CDH6: variants seen among roughly 807,000 people sequenced by gnomAD.
CDH6 encodes cadherin 6.
Under a neutral mutation model 78.0 loss-of-function variants are expected in CDH6, and 31 were observed. The ratio of observed to expected loss-of-function variants is 0.40; its 90% confidence interval spans 0.30 to 0.54. CDH6 has a LOEUF of 0.54. Among genes scored for constraint, CDH6 ranks in the 20% least tolerant of loss-of-function variants. The pLI is 0.56. For missense variants in CDH6, 724 were observed against 975.9 expected, an observed-to-expected ratio of 0.74 and a Z score of 3.44; for synonymous variants, 376 against 368.8, an observed-to-expected ratio of 1.02 and a Z score of -0.23.
Position 31,326,460 on chromosome 5 carries a change from TC to T in CDH6, c.*3154del, listed in dbSNP as rs1318157062. On this transcript the variant is annotated 3_prime_UTR_variant, in exon 12 of 12. Transcript: ENST00000265071. ...CAAATGGGAAAGAAGCAAAGATTAT[TC>T]CATAGAACCACAAGAGAGGGAATGT... is the stretch of plus-strand genomic sequence containing the variant. 5.0e-6 allele frequency: 1 copy of T among 201,212 alleles called. No individual in the cohort carries two copies. Among genetic ancestry groups the T allele is most frequent in the East Asian group, 7.7e-5 (1 of 13,048 alleles). The allele number at this position is 201,212 out of a possible 1,614,324, so 12.5% of individuals were successfully genotyped here.
intron 8 of CDH6, 125 bp downstream of exon 8, chr5:31,313,579 C>T: frequency 1.1e-6 from 1 of 895,472 alleles, no homozygotes; most frequent in Non-Finnish European, 1.7e-6. Context: ...AGGGAAAAAG[C>T]CCTGGAGTGG....
chr5:31,243,895 C>A (rs1206117483), intron 1 of CDH6, among the ~76,000 whole-genome samples: 1 of 152,170 alleles, frequency 6.6e-6, no homozygotes, highest in Non-Finnish European at 1.5e-5. Context: ...ATAGGTTGGG[C>A]ACCAAGCCTA....
chr5:31,302,886 GGAAAGAAAGAAAGAAAAAAAGAAA>G, intron 6 of CDH6, among the ~76,000 whole-genome samples: 1 of 64,362 alleles, frequency 1.6e-5, no homozygotes, highest in South Asian at 4.9e-4. Flanking sequence ...AAGGAAGGAA[GGAAAGAAAGAAAGAAAAAAAGAAA>G]GAAAGAAAGA....
chr5:31,293,243 A>T (rs1737459152), intron 2 of CDH6, among the ~76,000 whole-genome samples: 1 of 152,112 alleles, frequency 6.6e-6, no homozygotes, highest in Admixed American at 6.6e-5. Flanking sequence ...CCTATCTTAT[A>T]CTTAAGTATA....
Position 31,325,321 on chromosome 5 carries a change from T to TACAC in CDH6, c.*2044_*2047dup, listed in dbSNP as rs3840334. 61 of 223,910 alleles carry TACAC rather than the reference T, an allele frequency of 2.7e-4. No individual in the cohort carries two copies. The highest frequency in any genetic ancestry group is 1.0e-3 in the African/African-American group (44 of 44,002). 13.9% of individuals were successfully genotyped at this position (223,910 alleles called of 1,614,324 possible). A position where few individuals can be genotyped will look rare whatever the true frequency, so the allele number is the denominator to read the frequency against. On this transcript the variant is annotated 3_prime_UTR_variant, in exon 12 of 12. Transcript: ENST00000265071. ...TTTTCTAGTTCTTCATACACACACA[T>TACAC]ACACACACACACACACACACACACA...
At chr5:31,217,624 A>G (rs1740903274) in intron 1 of CDH6, among the ~76,000 whole-genome samples, 1 of 152,180 alleles carries the variant, frequency 6.6e-6, no homozygotes, top group Non-Finnish European at 1.5e-5. Flanking sequence ...TGCTGTAATC[A>G]ACAAGACATC....
chr5:31,246,251 G>T lies in CDH6; in HGVS notation c.-128-21095G>T, dbSNP rs570041035. On this transcript the variant is annotated intron_variant, in intron 1 of 11. Coordinates refer to ENST00000265071, the MANE Select transcript of CDH6 (RefSeq NM_004932.4). Reference sequence around the variant, plus strand: ...GGACTCCAACATAGCGATGTGACAAGAGCAACATAGAGTGGCACATGCTTT... The same window carrying T: ...GGACTCCAACATAGCGATGTGACAATAGCAACATAGAGTGGCACATGCTTT... 2.6e-5 allele frequency among the ~76,000 whole-genome samples: 4 copies of T among 152,140 alleles called. No individual in the cohort carries two copies. The East Asian group carries it at 7.7e-4, about 29-fold the overall frequency.
rs953513963 is a variant in CDH6 at position 31,324,476 on chromosome 5, A to C, written c.*1168A>C. The C allele has an allele frequency of 9.4e-6, 2 of 213,796 alleles. No individual in the cohort carries two copies. Among genetic ancestry groups the C allele is most frequent in the Non-Finnish European group, 1.9e-5 (2 of 105,856 alleles). The allele number at this position is 213,796 out of a possible 1,614,324, so 13.2% of individuals were successfully genotyped here. ...TTGGATAAACAACATTGAGATTATG[A>C]TGAAAACCTACATATTCCATGTTTG... On this transcript the variant is annotated 3_prime_UTR_variant, in exon 12 of 12. Coordinates refer to ENST00000265071, the MANE Select transcript of CDH6 (RefSeq NM_004932.4).
At chr5:31,295,502 G>A (rs1737558588) in intron 3 of CDH6, among the ~76,000 whole-genome samples, 1 of 152,130 alleles carries the variant, frequency 6.6e-6, no homozygotes, top group African/African-American at 2.4e-5. Context: ...CAAACATTTA[G>A]GGGTAGTTGA....
Position 31,294,942 on chromosome 5 carries a change from G to A in CDH6, c.523+686G>A, listed in dbSNP as rs1737543188. 6.6e-6 allele frequency among the ~76,000 whole-genome samples: 1 copy of A among 152,130 alleles called. No homozygotes were observed. Among genetic ancestry groups the A allele is most frequent in the Non-Finnish European group, 1.5e-5 (1 of 68,008 alleles). ...AAGAATTCTACTGACATCACTCTTA[G>A]CCACATTGAAATACTTCATGGGAGA... On this transcript the variant is annotated intron_variant, in intron 3 of 11. Transcript: ENST00000265071. This position sits in a 1 kb window ranked among gnomAD's most constrained non-coding sequence, Gnocchi z 4.1.
Position 31,324,015 on chromosome 5 carries a change from T to C in CDH6, c.*707T>C. On this transcript the variant is annotated 3_prime_UTR_variant, in exon 12 of 12. Coordinates refer to ENST00000265071, the MANE Select transcript of CDH6 (RefSeq NM_004932.4). The stretch of plus-strand genomic sequence containing the variant: ...TATCCTAGACTAGACATGCGAAAGT[T>C]TGCCTTTGTACCATATAAAGGGGGA... 1 of 130,618 alleles carries C rather than the reference T, an allele frequency of 7.7e-6. No individual in the cohort carries two copies. Among genetic ancestry groups the C allele is most frequent in the Non-Finnish European group, 1.6e-5 (1 of 61,150 alleles). 8.1% of individuals were successfully genotyped at this position (130,618 alleles called of 1,614,324 possible).
intron 2 of CDH6, among the ~76,000 whole-genome samples, chr5:31,276,054 C>A (rs1579874303): frequency 1.3e-5 from 2 of 152,338 alleles, no homozygotes; most frequent in South Asian, 4.1e-4. Context: ...GTGTAGGCTG[C>A]TGGGCGCAAA....
In CDH6 at chr5:31,324,465, T is replaced by C. The variant is rs184325068; in HGVS notation, c.*1157T>C. The C allele has an allele frequency of 5.2e-3, 1,117 of 213,818 alleles. 7 individuals carry two copies. Among genetic ancestry groups the C allele is most frequent in the Non-Finnish European group, 7.7e-3 (815 of 105,922 alleles). The allele number at this position is 213,818 out of a possible 1,614,324, so 13.2% of individuals were successfully genotyped here. ...ACGTGATACATTTGGATAAACAACA[T>C]TGAGATTATGATGAAAACCTACATA... On this transcript the variant is annotated 3_prime_UTR_variant, in exon 12 of 12. Transcript: ENST00000265071.
intron 1 of CDH6, among the ~76,000 whole-genome samples, chr5:31,238,979 A>G (rs75800875): frequency 1.4e-3 from 206 of 152,336 alleles, no homozygotes; most frequent in African/African-American, 4.8e-3. Context: ...CCCAAATACA[A>G]TTTTGACCAA....
Position 31,236,621 on chromosome 5 carries a change from TA to T in CDH6, c.-128-30724del, listed in dbSNP as rs371055922. Among the ~76,000 whole-genome samples, 17 of 152,282 alleles carry T rather than the reference TA, an allele frequency of 1.1e-4. No individual in the cohort carries two copies. In the South Asian group the frequency reaches 3.5e-3, roughly 32 times the overall value. ...TTGGCTGGCCTCTCTGCTATTAATC[TA>T]CTGGAACATTACTGGGGATTTAAAA... On this transcript the variant is annotated intron_variant, in intron 1 of 11. Transcript: ENST00000265071.
intron 8 of CDH6, among the ~76,000 whole-genome samples, chr5:31,315,773 C>A (rs545901257): frequency 6.6e-6 from 1 of 152,226 alleles, no homozygotes; most frequent in African/African-American, 2.4e-5. Flanking sequence ...AAGTGTTTAG[C>A]ATGACATCTT....
At chr5:31,276,735 G>T (rs1742706383) in intron 2 of CDH6, among the ~76,000 whole-genome samples, 1 of 152,186 alleles carries the variant, frequency 6.6e-6, no homozygotes. Flanking sequence ...AGCCTCAGCT[G>T]CACTTCTGAC....
intron 1 of CDH6, among the ~76,000 whole-genome samples, chr5:31,214,663 T>C (rs1049269385): frequency 9.9e-5 from 15 of 152,224 alleles, no homozygotes; most frequent in Admixed American, 9.2e-4. Flanking sequence ...CTTTATTTAC[T>C]GATTGCAGAT....
At chr5:31,260,870 T>G (rs1742195347) in intron 1 of CDH6, among the ~76,000 whole-genome samples, 1 of 152,062 alleles carries the variant, frequency 6.6e-6, no homozygotes, top group South Asian at 2.1e-4. Flanking sequence ...GAAATGGAGG[T>G]TTAGAAATGA....
Sources: gnomAD v4.1 joint callset for allele counts (sites outside exome capture counted in the v4.1 genomes callset) on GRCh38, gnomAD v4.1.1 for gene constraint, Gnocchi (gnomAD v3.1) non-coding constraint, MANE v1.5 for transcripts, NCBI Gene and HGNC (gene_info 2026-07-23, HGNC 2026-07-21) for gene names.